The following PLCB1 variants were observed in gnomAD, a reference collection of about 807,000 sequenced individuals.
PLCB1 encodes the protein phospholipase C beta 1, also known as 1-phosphatidylinositol 4,5-bisphosphate phosphodiesterase beta-1.
In PLCB1, 46 loss-of-function variants were observed where a neutral mutation model predicts 161.8. The observed-to-expected ratio is 0.28, with a 90% CI of 0.22 to 0.36. The LOEUF (loss-of-function observed/expected upper bound fraction) is 0.36, where lower values mean the gene tolerates loss of function less well. Ranked by LOEUF, PLCB1 falls within the 10% of genes least tolerant of loss-of-function variation. The pLI is 1.00. For synonymous variants in PLCB1, 517 were observed against 503.7 expected, an observed-to-expected ratio of 1.03 and a Z score of -0.35; for missense variants, 1,016 against 1,472.5, an observed-to-expected ratio of 0.69 and a Z score of 5.07.
chr20:8,499,155 A>C (rs1409650211), intron 3 of PLCB1, among the ~76,000 whole-genome samples: 1 of 152,224 alleles, frequency 6.6e-6, no homozygotes, highest in Non-Finnish European at 1.5e-5. Context: ...TGTGGTTTTC[A>C]TTCAGAAAGT....
At chr20:8,646,872 G>T (rs138070728) in intron 5 of PLCB1, among the ~76,000 whole-genome samples, 4 of 152,312 alleles carry the variant, frequency 2.6e-5, no homozygotes, top group African/African-American at 9.6e-5. Context: ...TGGTCAGGAG[G>T]TTAGGAAGTC....
chr20:8,198,673 C>T (rs2052055929), intron 2 of PLCB1, among the ~76,000 whole-genome samples: 1 of 151,832 alleles, frequency 6.6e-6, no homozygotes, highest in South Asian at 2.1e-4. Context: ...TATATTGCCT[C>T]AGAAAGAGAA....
At chr20:8,807,161 G>A (rs757989743) in intron 31 of PLCB1, among the ~76,000 whole-genome samples, 5 of 152,160 alleles carry the variant, frequency 3.3e-5, no homozygotes, top group Non-Finnish European at 7.3e-5. Flanking sequence ...ATTAATTAAA[G>A]TCGGAAGTTT....
At chr20:8,251,346 CA>C (rs1250455225) in intron 2 of PLCB1, among the ~76,000 whole-genome samples, 1 of 151,892 alleles carries the variant, frequency 6.6e-6, no homozygotes, top group African/African-American at 2.4e-5. Flanking sequence ...GTGCAGTCCT[CA>C]AGGAGAAAAG....
intron 9 of PLCB1, among the ~76,000 whole-genome samples, chr20:8,669,117 C>G (rs1989885904): frequency 6.6e-6 from 1 of 152,290 alleles, no homozygotes; most frequent in East Asian, 1.9e-4. Context: ...AATTATAAAA[C>G]AAGTTATAAT....
chr20:8,134,117 T>C (rs2122995697), intron 1 of PLCB1, among the ~76,000 whole-genome samples: 1 of 152,362 alleles, frequency 6.6e-6, no homozygotes, highest in Middle Eastern at 3.4e-3. Context: ...GCTTCACACT[T>C]TTCTTCTTTC....
chr20:8,638,203 C>T (rs1433862261), intron 4 of PLCB1, among the ~76,000 whole-genome samples: 1 of 152,094 alleles, frequency 6.6e-6, no homozygotes, highest in East Asian at 1.9e-4. Context: ...CAAAAACTGA[C>T]AATTTAAAAG....
chr20:8,814,717 A>G (rs1600349854), intron 31 of PLCB1, among the ~76,000 whole-genome samples: 1 of 152,350 alleles, frequency 6.6e-6, no homozygotes, highest in East Asian at 1.9e-4. Flanking sequence ...TTATGAAACA[A>G]TAACAGGTAG....
intron 4 of PLCB1, among the ~76,000 whole-genome samples, chr20:8,636,487 T>C (rs1165343920): frequency 6.6e-6 from 1 of 152,218 alleles, no homozygotes; most frequent in Non-Finnish European, 1.5e-5. Flanking sequence ...TTTTATATTG[T>C]GAAAACATCG....
At chr20:8,466,787 A>C (rs1159855045) in intron 3 of PLCB1, among the ~76,000 whole-genome samples, 1 of 152,116 alleles carries the variant, frequency 6.6e-6, no homozygotes, top group Non-Finnish European at 1.5e-5. Context: ...ATTTCATGTC[A>C]TGCATACATT....
intron 4 of PLCB1, among the ~76,000 whole-genome samples, chr20:8,638,691 A>C (rs1208432261): frequency 6.6e-6 from 1 of 152,226 alleles, no homozygotes; most frequent in African/African-American, 2.4e-5. Flanking sequence ...TCTCTGTTTC[A>C]TCGATAAATA....
intron 4 of PLCB1, among the ~76,000 whole-genome samples, chr20:8,644,432 C>T (rs560695121): frequency 3.3e-5 from 5 of 150,200 alleles, no homozygotes; most frequent in African/African-American, 7.4e-5. Context: ...ATGTGGGGAG[C>T]GCCTCTGCCC....
chr20:8,872,045 C>T (rs1305951938), intron 31 of PLCB1, among the ~76,000 whole-genome samples: 1 of 152,170 alleles, frequency 6.6e-6, no homozygotes, highest in East Asian at 1.9e-4. Flanking sequence ...GAGAAAGAAT[C>T]TTATCTATCC....
intron 2 of PLCB1, among the ~76,000 whole-genome samples, chr20:8,209,845 A>G (rs995336574): frequency 2.0e-5 from 3 of 152,084 alleles, no homozygotes; most frequent in Admixed American, 6.6e-5. Context: ...GCTTTTATAC[A>G]CTTTAGCCAC....
intron 11 of PLCB1, among the ~76,000 whole-genome samples, chr20:8,704,950 ACAGT>A (rs1041510158): frequency 8.6e-5 from 13 of 151,076 alleles, no homozygotes; most frequent in African/African-American, 1.7e-4. Context: ...CAGCTCAAAA[ACAGT>A]CAGGCAGAAA....
intron 3 of PLCB1, among the ~76,000 whole-genome samples, chr20:8,412,179 A>ACCC (rs1485191741): frequency 1.3e-5 from 2 of 152,200 alleles, no homozygotes; most frequent in African/African-American, 2.4e-5. Flanking sequence ...GCATAACAAA[A>ACCC]CCCATCAAGC....
chr20:8,628,946 A>T (rs1047826452), intron 4 of PLCB1, among the ~76,000 whole-genome samples: 1 of 150,904 alleles, frequency 6.6e-6, no homozygotes, highest in Non-Finnish European at 1.5e-5. Flanking sequence ...AAAAAAAAAT[A>T]AATAAATAAA....
intron 4 of PLCB1, among the ~76,000 whole-genome samples, chr20:8,640,450 G>A (rs139404030): frequency 3.3e-5 from 5 of 152,020 alleles, no homozygotes; most frequent in East Asian, 1.9e-4. Context: ...TACAGACCCC[G>A]CTTACATTTA....
intron 2 of PLCB1, among the ~76,000 whole-genome samples, chr20:8,181,422 TA>T (rs937500529): frequency 2.6e-5 from 4 of 151,920 alleles, no homozygotes; most frequent in Non-Finnish European, 5.9e-5. Context: ...ATTGTTGAAA[TA>T]AAAAAAGCAA....
Sources: gnomAD v4.1 joint callset for allele counts (sites outside exome capture counted in the v4.1 genomes callset) on GRCh38, gnomAD v4.1.1 for gene constraint, MANE v1.5 for transcripts, NCBI Gene and HGNC (gene_info 2026-07-23, HGNC 2026-07-21) for gene names.